Variants in SVOPL observed in about 807,000 individuals in gnomAD.
The protein encoded by SVOPL is SVOP like, also known as putative transporter SVOPL.
SVOPL carries 60 observed loss-of-function variants against 61.0 expected under a neutral mutation model. The observed-to-expected ratio is 0.98, with a 90% CI of 0.80 to 1.22. The LOEUF (loss-of-function observed/expected upper bound fraction) is 1.22, where lower values mean the gene tolerates loss of function less well. Among genes scored for constraint, SVOPL ranks in the 50% most tolerant of loss-of-function variants. The probability of loss-of-function intolerance (pLI) is 0.00; values close to 1 mark genes in which losing one functional copy is unlikely to be tolerated. For missense variants in SVOPL, 662 were observed against 643.9 expected (o/e 1.03, Z -0.30); for synonymous variants, 279 against 250.0 (o/e 1.12, Z -1.09).
chr7:138,663,334 G>GC, intron 4 of SVOPL, 189 bp from the exon 5 acceptor site: 1 of 1,431,622 alleles, frequency 7.0e-7, no homozygotes, highest in Admixed American at 2.8e-5. Flanking sequence ...CTCCCTGTTG[G>GC]TGGGAGCCTA....
At chr7:138,617,428 G>A (rs1563092087) in intron 14 of SVOPL, among the ~76,000 whole-genome samples, 1 of 152,176 alleles carries the variant, frequency 6.6e-6, no homozygotes, top group Non-Finnish European at 1.5e-5. Flanking sequence ...AGAAAAAGTG[G>A]AAGAACAAGA....
intron 9 of SVOPL, among the ~76,000 whole-genome samples, chr7:138,639,551 T>A (rs1800675118): frequency 6.7e-6 from 1 of 149,898 alleles, no homozygotes; most frequent in African/African-American, 2.5e-5. Context: ...CGCTTGAACC[T>A]GGGAGGCAGA....
intron 7 of SVOPL, among the ~76,000 whole-genome samples, chr7:138,650,579 G>A (rs556638692): frequency 6.7e-6 from 1 of 149,592 alleles, no homozygotes. Context: ...GAAGGCTGAG[G>A]TAGGGGAATC....
intron 4 of SVOPL, chr7:138,663,407 C>G (rs1476316259): frequency 2.1e-5 from 29 of 1,358,624 alleles, no homozygotes; most frequent in Non-Finnish European, 2.7e-5. Flanking sequence ...TGCTAGAGGA[C>G]GGCTTCGGCT....
chr7:138,662,260 GT>G, intron 5 of SVOPL: 1 of 985,360 alleles, frequency 1.0e-6, no homozygotes. Context: ...ACTTTTTCTT[GT>G]CCTAAAATTC....
At chr7:138,623,902 C>T (rs1005949290) in intron 13 of SVOPL, among the ~76,000 whole-genome samples, 114 of 152,262 alleles carry the variant, frequency 7.5e-4, no homozygotes, top group African/African-American at 2.6e-3. Context: ...TCACCGCAAC[C>T]TTTGCCCCCC....
rs556927752 is a variant in SVOPL at position 138,661,905 on chromosome 7, T to C, written c.345+1169A>G. 1.2e-4 allele frequency: 115 copies of C among 985,438 alleles called. 2 individuals carry two copies. In the South Asian group the frequency reaches 4.7e-3, roughly 40 times the overall value. The allele number at this position is 985,438 out of a possible 1,614,324, so 61.0% of individuals were successfully genotyped here. ...TTCCTTTAGGTCAATATTTCTGGCA[T>C]AGCTGGCAAGGTTCAGAGCAACACC... On this transcript the variant is annotated intron_variant, in intron 5 of 15. Transcript: ENST00000674285.
Position 138,625,997 on chromosome 7 carries a change from A to C in SVOPL, c.1235T>G (p.Phe412Cys), listed in dbSNP as rs774976960. 3.7e-6 allele frequency: 6 copies of C among 1,614,158 alleles called. No homozygotes were observed. In the South Asian group the frequency reaches 6.6e-5, roughly 18 times the overall value. ...FMLRALVAAN[F>C]NTVYIYTAEV... Reference sequence around the variant, plus strand: ...AGCTGTGTAAATGTAGACGGTGTTGAAGTTTGCAGCTACCAGAGCCCTCAG... The same window carrying C: ...AGCTGTGTAAATGTAGACGGTGTTGCAGTTTGCAGCTACCAGAGCCCTCAG... Residue 412 changes from phenylalanine (F) to cysteine (C), a missense_variant, in exon 13 of 16, where the codon TTC becomes TGC. Phe to Cys is a radical substitution (Grantham distance 205). Coordinates refer to ENST00000674285, the MANE Select transcript of SVOPL (RefSeq NM_001139456.2).
intron 5 of SVOPL, chr7:138,661,060 G>C: frequency 2.0e-6 from 2 of 984,496 alleles, no homozygotes; most frequent in African/African-American, 1.7e-5. Flanking sequence ...TGAGATACTC[G>C]TGTTTTCAAA....
chr7:138,606,486 C>G (rs1228883833), intron 14 of SVOPL, among the ~76,000 whole-genome samples: 1 of 152,106 alleles, frequency 6.6e-6, no homozygotes, highest in Non-Finnish European at 1.5e-5. Flanking sequence ...CTCAGGCAAG[C>G]CTCCCTTCTA....
At chr7:138,602,479 A>ATAT (rs1189679178) in intron 14 of SVOPL, among the ~76,000 whole-genome samples, 1 of 149,926 alleles carries the variant, frequency 6.7e-6, no homozygotes, top group African/African-American at 2.4e-5. Flanking sequence ...ATATATATGT[A>ATAT]GATGTGTGTG....
chr7:138,688,037 G>A (rs111890559), intron 1 of SVOPL, among the ~76,000 whole-genome samples: 4,080 of 152,110 alleles, frequency 0.027, 101 homozygotes, highest in South Asian at 0.093. Context: ...TCTTGACCTC[G>A]TGATCCACCC....
At chr7:138,680,837 C>G (rs1376413551) in intron 1 of SVOPL, among the ~76,000 whole-genome samples, 1 of 152,140 alleles carries the variant, frequency 6.6e-6, no homozygotes, top group Non-Finnish European at 1.5e-5. Flanking sequence ...CATCGGCCTC[C>G]CAAAGTACTG....
At chr7:138,633,223 G>T (rs547469453) in intron 9 of SVOPL, among the ~76,000 whole-genome samples, 1 of 152,292 alleles carries the variant, frequency 6.6e-6, no homozygotes, top group African/African-American at 2.4e-5. Flanking sequence ...TCCTTTGGAA[G>T]AAAGTTCGGG....
chr7:138,672,729 G>A (rs1378136803), intron 3 of SVOPL, among the ~76,000 whole-genome samples: 1 of 150,242 alleles, frequency 6.7e-6, no homozygotes, highest in Non-Finnish European at 1.5e-5. Context: ...GGGCTTAAGT[G>A]AACCTCCCAC....
At chr7:138,601,532 C>T (rs1428251984) in intron 14 of SVOPL, among the ~76,000 whole-genome samples, 1 of 151,460 alleles carries the variant, frequency 6.6e-6, no homozygotes, top group East Asian at 1.9e-4. Flanking sequence ...ATACTGCATG[C>T]TCTCTCTTAT....
intron 14 of SVOPL, among the ~76,000 whole-genome samples, chr7:138,599,108 C>G (rs1302350686): frequency 1.0e-4 from 14 of 135,352 alleles, no homozygotes; most frequent in Non-Finnish European, 2.0e-4. Flanking sequence ...TATAATTGTA[C>G]TCCAACCTGG....
At chr7:138,689,469 G>A (rs1316560432) in intron 1 of SVOPL, 1 of 956,306 alleles carries the variant, frequency 1.0e-6, no homozygotes, top group Non-Finnish European at 1.6e-6. Context: ...AGAAGACAAG[G>A]TTGCCCTGAA....
intron 3 of SVOPL, among the ~76,000 whole-genome samples, chr7:138,672,354 C>T (rs1053825363): frequency 7.2e-5 from 11 of 152,182 alleles, no homozygotes; most frequent in Non-Finnish European, 1.2e-4. Context: ...AAATTTGTGA[C>T]ACATATTCAC....
Sources: gnomAD v4.1 joint callset for allele counts (sites outside exome capture counted in the v4.1 genomes callset) on GRCh38, gnomAD v4.1.1 for gene constraint, MANE v1.5 for transcripts, NCBI Gene and HGNC (gene_info 2026-07-23, HGNC 2026-07-21) for gene names.